BOP1: variants seen among roughly 807,000 people sequenced by gnomAD.
BOP1 encodes BOP1 ribosomal biogenesis factor.
BOP1 carries 54 observed loss-of-function variants against 82.9 expected under a neutral mutation model. That is an observed-to-expected ratio of 0.65 (90% CI 0.52 to 0.82). BOP1 has a LOEUF of 0.82. Among genes scored for constraint, BOP1 ranks in the 40% least tolerant of loss-of-function variants. BOP1 has a pLI of 0.00. For synonymous variants in BOP1, 566 were observed against 451.1 expected, an observed-to-expected ratio of 1.25 and a Z score of -3.23; for missense variants, 1,170 against 1,072.0, an observed-to-expected ratio of 1.09 and a Z score of -1.28.
intron 2 of BOP1, among the ~76,000 whole-genome samples, chr8:144,277,790 G>GGGCAGGGGCGGTGCA (rs1337981922): frequency 3.1e-5 from 2 of 63,872 alleles, no homozygotes; most frequent in Non-Finnish European, 4.2e-5. Context: ...AGCGCCCGAA[G>GGGCAGGGGCGGTGCA]GGCAGGGGCG....
chr8:144,267,008 T>TGGC, intron 3 of BOP1: 2 of 1,537,822 alleles, frequency 1.3e-6, no homozygotes, highest in Non-Finnish European at 1.7e-6. Flanking sequence ...AACGTGCTGC[T>TGGC]GGCGGGCGAG....
rs1160618575 is a variant in BOP1 at position 144,262,465 on chromosome 8, G to C, written c.2018C>G (p.Pro673Arg). The change falls in exon 15 of 16, where the codon CCG becomes CGG. Residue 673 changes from proline (P) to arginine (R), a missense_variant. Physicochemically the swap from Pro to Arg is moderately radical, Grantham distance 103. Coordinates refer to ENST00000569669, the MANE Select transcript of BOP1 (RefSeq NM_015201.5). ...KKALRAVAFHPRYPLFASGSD... is the reference protein window; with the variant it reads ...KKALRAVAFHRRYPLFASGSD... ...GCCTGACGCAAAGAGTGGGTACCGCGGGTGGAAGGCCACAGCCCGCAGAGC... is the reference window on the plus strand; with the variant it reads ...GCCTGACGCAAAGAGTGGGTACCGCCGGTGGAAGGCCACAGCCCGCAGAGC... 36 of 1,612,882 alleles carry C rather than the reference G, an allele frequency of 2.2e-5. No homozygotes were observed. The highest frequency in any genetic ancestry group is 2.9e-5 in the Non-Finnish European group (34 of 1,179,830).
In BOP1 at chr8:144,268,186, G is replaced by C. The variant is rs1216808435; in HGVS notation, c.391-3115C>G. 19 of 1,549,104 alleles carry C rather than the reference G, an allele frequency of 1.2e-5. No homozygotes were observed. The South Asian group carries it at 2.1e-4, about 17-fold the overall frequency. On this transcript the variant is annotated intron_variant, in intron 3 of 15. Coordinates refer to ENST00000569669, the MANE Select transcript of BOP1 (RefSeq NM_015201.5). Reference sequence around the variant, plus strand: ...CAGGAGGCAGACGCTGCTGGGGGAGGTGGACGCCCGGGGTGACTGCAGACA... The same window carrying C: ...CAGGAGGCAGACGCTGCTGGGGGAGCTGGACGCCCGGGGTGACTGCAGACA...
At chr8:144,274,215 C>T (rs1208139884) in intron 3 of BOP1, among the ~76,000 whole-genome samples, 1 of 152,192 alleles carries the variant, frequency 6.6e-6, no homozygotes, top group Non-Finnish European at 1.5e-5. Context: ...CCTCCCTGCC[C>T]TGCTACCAGG....
chr8:144,277,911 T>C (rs1172280184), intron 2 of BOP1, among the ~76,000 whole-genome samples: 1 of 151,294 alleles, frequency 6.6e-6, no homozygotes, highest in East Asian at 2.0e-4. Context: ...ACGTATTTTT[T>C]TTAACTTAAA....
chr8:144,266,517 C>A, intron 3 of BOP1: 1 of 989,276 alleles, frequency 1.0e-6, no homozygotes, highest in Non-Finnish European at 1.2e-6. Context: ...GCCGAGACCC[C>A]GCGCCTCGCC....
chr8:144,283,989 C>T (rs1414898058), intron 2 of BOP1, among the ~76,000 whole-genome samples: 10 of 152,134 alleles, frequency 6.6e-5, no homozygotes, highest in African/African-American at 7.2e-5. Flanking sequence ...TGATGACGGG[C>T]GCCTGTAATC....
chr8:144,266,227 G>C (rs1342187699), intron 3 of BOP1: 1 of 152,414 alleles, frequency 6.6e-6, no homozygotes, highest in Non-Finnish European at 1.5e-5. Context: ...GGGGCCCTGA[G>C]TAACTACAGC....
intron 2 of BOP1, 34 bp from the exon 3 acceptor site, chr8:144,276,338 G>T: frequency 3.1e-6 from 5 of 1,606,938 alleles, no homozygotes; most frequent in Non-Finnish European, 4.2e-6. Context: ...TCACTTCAGG[G>T]GATACAGGGT....
intron 2 of BOP1, among the ~76,000 whole-genome samples, chr8:144,282,209 G>A (rs1845696665): frequency 2.0e-5 from 3 of 152,224 alleles, no homozygotes; most frequent in Non-Finnish European, 4.4e-5. Flanking sequence ...GCTGGTCAGT[G>A]GAGGGCTGGG....
rs903675515 is a variant in BOP1 at position 144,264,972 on chromosome 8, G to A, written c.490C>T (p.Arg164Trp). 29 of 1,612,008 alleles carry A rather than the reference G, an allele frequency of 1.8e-5. No individual in the cohort carries two copies. The highest frequency in any genetic ancestry group is 4.5e-5 in the East Asian group (2 of 44,816). ...LDGRRIYKPL[R>W]TRDELDQFLD... ...AACTGGTCCAGCTCATCCCGGGTCC[G>A]CAGGGGCTTGTAGATGCGCCTGCCA... is the stretch of plus-strand genomic sequence containing the variant. Residue 164 changes from arginine (R) to tryptophan (W), a missense_variant, in exon 4 of 16, where the codon CGG (arginine) becomes TGG (tryptophan). Coordinates refer to ENST00000569669, the MANE Select transcript of BOP1 (RefSeq NM_015201.5).
intron 3 of BOP1, among the ~76,000 whole-genome samples, chr8:144,269,954 G>A (rs990185038): frequency 3.3e-5 from 5 of 152,152 alleles, no homozygotes; most frequent in Admixed American, 2.6e-4. Flanking sequence ...CCTCCACTGG[G>A]CACTGGGTGT....
chr8:144,282,275 C>G (rs1338532002), intron 2 of BOP1, among the ~76,000 whole-genome samples: 3 of 152,214 alleles, frequency 2.0e-5, no homozygotes, highest in Non-Finnish European at 4.4e-5. Context: ...GGGCGCCCCT[C>G]CAGTGGGATG....
intron 3 of BOP1, chr8:144,267,185 G>A: frequency 6.6e-7 from 1 of 1,521,410 alleles, no homozygotes; most frequent in Non-Finnish European, 8.7e-7. Flanking sequence ...AAGTTGGTGA[G>A]CACGGGCCGT....
At chr8:144,286,275 T>G (rs1814865171) in intron 2 of BOP1, among the ~76,000 whole-genome samples, 1 of 152,230 alleles carries the variant, frequency 6.6e-6, no homozygotes. Flanking sequence ...GAAAACACCC[T>G]GACAGGGCCC....
At chr8:144,276,862 AG>A (rs1246577127) in intron 2 of BOP1, among the ~76,000 whole-genome samples, 22 of 152,306 alleles carry the variant, frequency 1.4e-4, no homozygotes, top group Admixed American at 3.3e-4. Context: ...CAGTCCAGCC[AG>A]CAGAGGGCCC....
intron 1 of BOP1, among the ~76,000 whole-genome samples, chr8:144,290,940 A>G (rs1815045288): frequency 6.6e-6 from 1 of 152,238 alleles, no homozygotes; most frequent in South Asian, 2.1e-4. Flanking sequence ...GCAATTAACT[A>G]GCGTATACGT....
At chr8:144,288,693 G>A (rs1814951277) in intron 2 of BOP1, among the ~76,000 whole-genome samples, 1 of 152,194 alleles carries the variant, frequency 6.6e-6, no homozygotes, top group Non-Finnish European at 1.5e-5. Context: ...CTGAAGCCCT[G>A]TGGGGTCAGG....
At chr8:144,268,601 A>G in intron 3 of BOP1, 1 of 204,460 alleles carries the variant, frequency 4.9e-6, no homozygotes, top group Non-Finnish European at 9.9e-6. Flanking sequence ...GCTCCCTGGG[A>G]AGCCCCCACT....
Sources: gnomAD v4.1 joint callset for allele counts (sites outside exome capture counted in the v4.1 genomes callset) on GRCh38, gnomAD v4.1.1 for gene constraint, MANE v1.5 for transcripts, NCBI Gene and HGNC (gene_info 2026-07-23, HGNC 2026-07-21) for gene names.